Variants in MCF2L2 observed in about 807,000 individuals in gnomAD.
MCF2L2 encodes MCF.2 cell line derived transforming sequence-like 2.
Under a neutral mutation model 150.2 loss-of-function variants are expected in MCF2L2, and 102 were observed. That is an observed-to-expected ratio of 0.68 (90% CI 0.58 to 0.80). The LOEUF (loss-of-function observed/expected upper bound fraction) is 0.80, where lower values mean the gene tolerates loss of function less well. Among genes scored for constraint, MCF2L2 ranks in the 30% least tolerant of loss-of-function variants. The pLI, the probability that MCF2L2 is intolerant of heterozygous loss-of-function variation, is 0.00. For synonymous variants in MCF2L2, 465 were observed against 491.3 expected (o/e 0.95, Z 0.71); for missense variants, 1,256 against 1,372.8 (o/e 0.91, Z 1.34).
At chr3:183,326,492 CAAA>C (rs890481068) in intron 5 of MCF2L2, among the ~76,000 whole-genome samples, 2 of 39,424 alleles carry the variant, frequency 5.1e-5, no homozygotes, top group African/African-American at 9.2e-5. Context: ...AACTCCGTCT[CAAA>C]AAAAAAAAAA....
intron 15 of MCF2L2, among the ~76,000 whole-genome samples, chr3:183,249,620 G>A (rs1342216252): frequency 6.6e-6 from 1 of 152,192 alleles, no homozygotes; most frequent in Non-Finnish European, 1.5e-5. Context: ...AGTTCTGGGT[G>A]TACCTAGTGT....
At chr3:183,419,646 G>A (rs1286426435) in intron 1 of MCF2L2, among the ~76,000 whole-genome samples, 1 of 152,178 alleles carries the variant, frequency 6.6e-6, no homozygotes, top group Non-Finnish European at 1.5e-5. Flanking sequence ...GCCAACGTGG[G>A]TGCATCACTT....
At chr3:183,353,995 CCTT>C (rs1219215721) in intron 3 of MCF2L2, among the ~76,000 whole-genome samples, 1 of 152,064 alleles carries the variant, frequency 6.6e-6, no homozygotes, top group Non-Finnish European at 1.5e-5. Flanking sequence ...CTGAATGGAC[CCTT>C]CTTCTTGGCC....
intron 13 of MCF2L2, among the ~76,000 whole-genome samples, chr3:183,294,863 C>G (rs963909539): frequency 6.6e-6 from 1 of 151,886 alleles, no homozygotes; most frequent in South Asian, 2.1e-4. Context: ...CTCCTGACCT[C>G]GTGATCTGCC....
chr3:183,229,394 G>A (rs1198841342), intron 17 of MCF2L2, among the ~76,000 whole-genome samples: 1 of 152,162 alleles, frequency 6.6e-6, no homozygotes, highest in African/African-American at 2.4e-5. Flanking sequence ...GCTGATGCAT[G>A]AATAAATAAA....
intron 14 of MCF2L2, among the ~76,000 whole-genome samples, chr3:183,284,172 TTCTC>T (rs1489407733): frequency 6.6e-5 from 10 of 152,296 alleles, no homozygotes; most frequent in Non-Finnish European, 1.2e-4. Flanking sequence ...CTTAATGTTA[TTCTC>T]TCTTTTATCT....
intron 1 of MCF2L2, among the ~76,000 whole-genome samples, chr3:183,419,377 C>G (rs2108631343): frequency 6.6e-6 from 1 of 152,302 alleles, no homozygotes; most frequent in African/African-American, 2.4e-5. Context: ...TATTAACATT[C>G]AGCTCCTTAT....
At chr3:183,364,286 G>T (rs1712385950) in intron 3 of MCF2L2, among the ~76,000 whole-genome samples, 1 of 152,110 alleles carries the variant, frequency 6.6e-6, no homozygotes, top group Non-Finnish European at 1.5e-5. Context: ...GGAGGGCGAG[G>T]CGGGCGGATC....
chr3:183,222,322 TG>T (rs772664539), intron 20 of MCF2L2, among the ~76,000 whole-genome samples: 3 of 152,006 alleles, frequency 2.0e-5, no homozygotes, highest in Non-Finnish European at 2.9e-5. Flanking sequence ...GAGGCTGAGG[TG>T]GGCAGATCAC....
At chr3:183,333,537 G>A (rs1011900699) in intron 5 of MCF2L2, among the ~76,000 whole-genome samples, 17 of 152,074 alleles carry the variant, frequency 1.1e-4, no homozygotes, top group Non-Finnish European at 2.4e-4. Flanking sequence ...TATATCTTGT[G>A]TATCCTTCTC....
Position 183,224,133 on chromosome 3 carries a change from T to C in MCF2L2, c.2173A>G (p.Ile725Val). The change falls in exon 19 of 30, where the codon ATC (isoleucine) becomes GTC (valine). Residue 725 changes from isoleucine to valine, a missense_variant. Coordinates refer to ENST00000328913, the MANE Select transcript of MCF2L2 (RefSeq NM_015078.4). ...GCGCAGTCTTGACACTCTTGCCAGA[T>C]TGCCCTAGCTCGGGGCAGATTCTTA... The part of the protein sequence containing the change: ...YHKNLPRARA[I>V]WQECQDCAYF... 6.2e-7 allele frequency: 1 copy of C among 1,614,122 alleles called. No individual in the cohort carries two copies. The highest frequency in any genetic ancestry group is 8.5e-7 in the Non-Finnish European group (1 of 1,179,954).
chr3:183,253,386 G>A (rs1278257225), intron 15 of MCF2L2: 1 of 152,212 alleles, frequency 6.6e-6, no homozygotes, highest in Non-Finnish European at 1.5e-5. Flanking sequence ...AAGGAAAGCC[G>A]ACCTCCGATT....
intron 1 of MCF2L2, among the ~76,000 whole-genome samples, chr3:183,420,872 C>A (rs1299278239): frequency 1.3e-5 from 2 of 152,188 alleles, no homozygotes; most frequent in African/African-American, 4.8e-5. Context: ...CCAATCACCC[C>A]CCACCAGGTC....
rs1728431650 is a variant in MCF2L2 at position 183,295,278 on chromosome 3, TTC to T, written c.1675+20_1675+21del. 6.3e-7 allele frequency: 1 copy of T among 1,585,606 alleles called. No individual in the cohort carries two copies. The highest frequency in any genetic ancestry group is 8.6e-7 in the Non-Finnish European group (1 of 1,168,112). ...TGATGAAACACAAAAGCCACAAAGCTTCTTTTCCTCAAATAACCTACCCGAGG... is the reference window on the plus strand; with the variant it reads ...TGATGAAACACAAAAGCCACAAAGCTTTTTCCTCAAATAACCTACCCGAGG... On this transcript the variant is annotated intron_variant, in intron 13 of 29. Transcript: ENST00000328913.
chr3:183,275,073 G>A (rs1234918283), intron 15 of MCF2L2, among the ~76,000 whole-genome samples: 1 of 151,270 alleles, frequency 6.6e-6, no homozygotes, highest in African/African-American at 2.4e-5. Flanking sequence ...TCCTATACCT[G>A]TTGAAATTTT....
chr3:183,403,366 C>T (rs538736404), intron 1 of MCF2L2, among the ~76,000 whole-genome samples: 2 of 152,166 alleles, frequency 1.3e-5, no homozygotes, highest in Non-Finnish European at 2.9e-5. Context: ...AAAATAATGA[C>T]GACTTGTGAT....
intron 27 of MCF2L2, among the ~76,000 whole-genome samples, chr3:183,184,523 G>A (rs947111227): frequency 2.0e-5 from 3 of 152,178 alleles, no homozygotes; most frequent in African/African-American, 7.2e-5. Context: ...CTGCAGATAA[G>A]GACTGGTGAG....
intron 3 of MCF2L2, among the ~76,000 whole-genome samples, chr3:183,353,562 G>GA (rs1437669252): frequency 4.1e-4 from 62 of 152,200 alleles, no homozygotes; most frequent in African/African-American, 1.4e-3. Flanking sequence ...AGGCAAAGCG[G>GA]GGCAGGCACG....
At chr3:183,358,125 T>TA (rs1002446947) in intron 3 of MCF2L2, among the ~76,000 whole-genome samples, 69 of 151,826 alleles carry the variant, frequency 4.5e-4, no homozygotes, top group African/African-American at 1.6e-3. Flanking sequence ...CCTTCTCTAC[T>TA]AAAAAAATAC....
Sources: allele counts gnomAD v4.1 joint callset (sites outside exome capture counted in the v4.1 genomes callset), GRCh38; gene constraint gnomAD v4.1.1; transcripts MANE v1.5; gene names NCBI Gene and HGNC (gene_info 2026-07-23, HGNC 2026-07-21).